Variants in COG6 observed in about 807,000 individuals in gnomAD.
COG6 encodes the protein conserved oligomeric Golgi complex subunit 6.
Under a neutral mutation model 88.8 loss-of-function variants are expected in COG6, and 74 were observed. That is an observed-to-expected ratio of 0.83 (90% confidence interval 0.69 to 1.01). The LOEUF is 1.01. COG6 is among the 50% of genes least tolerant of loss of function. The pLI is 0.00. For synonymous variants in COG6, 286 were observed against 278.7 expected (o/e 1.03, Z -0.26); for missense variants, 800 against 797.9 (o/e 1.00, Z -0.03).
intron 18 of COG6, among the ~76,000 whole-genome samples, chr13:39,758,440 A>G (rs1460896405): frequency 1.3e-5 from 2 of 152,176 alleles, no homozygotes; most frequent in Non-Finnish European, 1.5e-5. Flanking sequence ...AAGTATTTGA[A>G]TAGGTAAAGA....
intron 18 of COG6, among the ~76,000 whole-genome samples, chr13:39,781,028 G>T (rs1204105025): frequency 6.6e-6 from 1 of 152,162 alleles, no homozygotes; most frequent in Non-Finnish European, 1.5e-5. Context: ...TATATCAACG[G>T]TTCTGAATTC....
chr13:39,705,891 G>A (rs774180509), intron 13 of COG6, among the ~76,000 whole-genome samples: 2 of 151,900 alleles, frequency 1.3e-5, no homozygotes, highest in Non-Finnish European at 2.9e-5. Context: ...TAGTTTGAGA[G>A]GTGCTGTTCT....
At chr13:39,691,098 A>G (rs1487089792) in intron 11 of COG6, among the ~76,000 whole-genome samples, 1 of 151,514 alleles carries the variant, frequency 6.6e-6, no homozygotes, top group South Asian at 2.1e-4. Context: ...TCTTTTTACA[A>G]TTTTTCTAAT....
chr13:39,786,618 G>A (rs546262211), intron 18 of COG6, among the ~76,000 whole-genome samples: 240 of 152,258 alleles, frequency 1.6e-3, no homozygotes, highest in African/African-American at 5.6e-3. Flanking sequence ...ACTTTACAAA[G>A]GTGGCATTTC....
chr13:39,655,764 C>A lies in COG6; in HGVS notation c.38C>A (p.Ala13Glu). 1 of 1,592,958 alleles carries A rather than the reference C, an allele frequency of 6.3e-7. No homozygotes were observed. Among genetic ancestry groups the A allele is most frequent in the South Asian group, 1.1e-5 (1 of 88,416 alleles). ...EGSGEVVAVS[A>E]TGAANGLNNG... ...AGCGGGGAAGTGGTCGCAGTGTCTG[C>A]GACCGGGGCTGCCAACGGCCTCAAC... The change falls in exon 1 of 19, where the codon GCG (alanine) becomes GAG (glutamate). Residue 13 changes from alanine (A) to glutamate (E), a missense_variant. Coordinates refer to ENST00000455146, the MANE Select transcript of COG6 (RefSeq NM_020751.3).
intron 18 of COG6, among the ~76,000 whole-genome samples, chr13:39,779,411 T>C (rs1182859462): frequency 6.6e-6 from 1 of 152,234 alleles, no homozygotes; most frequent in African/African-American, 2.4e-5. Context: ...ATCATCCTAT[T>C]GGGCTTTGCA....
chr13:39,733,070 CA>C (rs991124914), intron 18 of COG6, among the ~76,000 whole-genome samples: 12 of 134,474 alleles, frequency 8.9e-5, no homozygotes, highest in African/African-American at 8.3e-5. Flanking sequence ...AATGATCGAT[CA>C]AAAAAAAAAG....
intron 18 of COG6, among the ~76,000 whole-genome samples, chr13:39,741,022 G>A (rs767614497): frequency 1.3e-5 from 2 of 152,050 alleles, no homozygotes; most frequent in Non-Finnish European, 2.9e-5. Context: ...ATGTTGTTAT[G>A]GCAACCAAAA....
chr13:39,686,662 T>C (rs143144692), intron 8 of COG6, among the ~76,000 whole-genome samples: 262 of 152,250 alleles, frequency 1.7e-3, no homozygotes, highest in African/African-American at 6.0e-3. Context: ...TGGTGATAGA[T>C]TGTGATAGTA....
At chr13:39,773,811 C>A (rs190881557) in intron 18 of COG6, among the ~76,000 whole-genome samples, 27 of 151,296 alleles carry the variant, frequency 1.8e-4, no homozygotes, top group African/African-American at 6.1e-4. Flanking sequence ...TAAAACCTAT[C>A]ATGGTGTACT....
At chr13:39,681,016 T>C (rs1876284117) in intron 7 of COG6, among the ~76,000 whole-genome samples, 1 of 152,214 alleles carries the variant, frequency 6.6e-6, no homozygotes, top group South Asian at 2.1e-4. Flanking sequence ...GGGCCATTAT[T>C]TTGCCTACCA....
chr13:39,698,106 A>G (rs1003277528), intron 12 of COG6, among the ~76,000 whole-genome samples: 2 of 152,046 alleles, frequency 1.3e-5, no homozygotes, highest in Non-Finnish European at 1.5e-5. Flanking sequence ...TTACTGGAAC[A>G]TAATGAGTGT....
At chr13:39,690,715 A>G (rs897522041) in intron 11 of COG6, among the ~76,000 whole-genome samples, 11 of 151,938 alleles carry the variant, frequency 7.2e-5, no homozygotes, top group African/African-American at 2.2e-4. Context: ...CTCAGATGAC[A>G]CACTTGGTGA....
chr13:39,697,975 T>C (rs1378722922), intron 12 of COG6, among the ~76,000 whole-genome samples: 7 of 152,006 alleles, frequency 4.6e-5, no homozygotes, highest in South Asian at 2.1e-4. Flanking sequence ...TCTCATCTTC[T>C]ACATCAGGGA....
chr13:39,759,041 G>A (rs1457477155), intron 18 of COG6, among the ~76,000 whole-genome samples: 3 of 152,098 alleles, frequency 2.0e-5, no homozygotes, highest in African/African-American at 7.2e-5. Flanking sequence ...AGACATATAA[G>A]TAGATTAGCA....
chr13:39,723,006 C>T (rs371263620), intron 15 of COG6, among the ~76,000 whole-genome samples: 5 of 152,162 alleles, frequency 3.3e-5, no homozygotes, highest in African/African-American at 7.2e-5. Context: ...GCCCTTATCT[C>T]GGAATTCTTC....
intron 18 of COG6, among the ~76,000 whole-genome samples, chr13:39,769,030 G>A (rs2138174367): frequency 6.6e-6 from 1 of 152,202 alleles, no homozygotes; most frequent in African/African-American, 2.4e-5. Flanking sequence ...TTAACATAAT[G>A]TTAAGATTCA....
In COG6 at chr13:39,732,490, A is replaced by T. The variant is rs1012306815; in HGVS notation, c.1826+4942A>T. Reference sequence around the variant, plus strand: ...ATGCTAAAGTTTACAGAATTAACAGATAAGGTGTTTTAAAAAGCTGTTAAA... The same window carrying T: ...ATGCTAAAGTTTACAGAATTAACAGTTAAGGTGTTTTAAAAAGCTGTTAAA... On this transcript the variant is annotated intron_variant, in intron 18 of 18. Coordinates refer to ENST00000455146, the MANE Select transcript of COG6 (RefSeq NM_020751.3). 2.6e-5 allele frequency among the ~76,000 whole-genome samples: 4 copies of T among 152,356 alleles called. No homozygotes were observed. The South Asian group carries it at 6.2e-4, about 24-fold the overall frequency.
intron 4 of COG6, among the ~76,000 whole-genome samples, chr13:39,675,306 T>C (rs1315897320): frequency 6.6e-6 from 1 of 152,158 alleles, no homozygotes; most frequent in Non-Finnish European, 1.5e-5. Flanking sequence ...GCCTTATACA[T>C]TGTGAGTCTC....
Sources: gnomAD v4.1 joint callset for allele counts (sites outside exome capture counted in the v4.1 genomes callset) on GRCh38, gnomAD v4.1.1 for gene constraint, MANE v1.5 for transcripts, NCBI Gene and HGNC (gene_info 2026-07-23, HGNC 2026-07-21) for gene names.